The following BORCS8 variants were observed in gnomAD, a reference collection of about 807,000 sequenced individuals.
BORCS8 encodes BLOC-1 related complex subunit 8, also known as BLOC-1-related complex subunit 8.
In BORCS8, 13 loss-of-function variants were observed where a neutral mutation model predicts 18.7. The observed-to-expected ratio is 0.70, with a 90% CI of 0.45 to 1.11. BORCS8 has a LOEUF of 1.11. BORCS8 is among the 50% of genes least tolerant of loss of function. The pLI, the probability that BORCS8 is intolerant of heterozygous loss-of-function variation, is 0.00. For synonymous variants in BORCS8, 68 were observed against 64.8 expected, an observed-to-expected ratio of 1.05 and a Z score of -0.24; for missense variants, 165 against 165.7, an observed-to-expected ratio of 1.00 and a Z score of 0.02.
intron 1 of BORCS8, among the ~76,000 whole-genome samples, chr19:19,190,211 A>G (rs1397934943): frequency 1.3e-5 from 2 of 152,214 alleles, no homozygotes; most frequent in African/African-American, 4.8e-5. Flanking sequence ...ACATGTTCAC[A>G]GGAAAAGTTA....
Position 19,182,001 on chromosome 19 carries a change from C to A in BORCS8, c.326+572G>T. The stretch of plus-strand genomic sequence containing the variant: ...TGCTTTTCGTTTTCAGACCCCTGGT[C>A]CTGGGCTTAAAGCCTCCCTTGGCTC... On this transcript the variant is annotated intron_variant, in intron 4 of 5. Coordinates refer to ENST00000462790, the MANE Select transcript of BORCS8 (RefSeq NM_001145784.2). The surrounding 1 kb of genome is among the most constrained non-coding windows in gnomAD (Gnocchi z 4.1). 1.0e-6 allele frequency: 1 copy of A among 985,482 alleles called. No homozygotes were observed. The highest frequency in any genetic ancestry group is 1.2e-6 in the Non-Finnish European group (1 of 829,966). The allele number at this position is 985,482 out of a possible 1,614,324, so 61.0% of individuals were successfully genotyped here.
intron 5 of BORCS8, chr19:19,178,075 G>C (rs1353417693): frequency 2.0e-5 from 3 of 152,428 alleles, no homozygotes; most frequent in African/African-American, 7.2e-5. Flanking sequence ...ATATGTATTT[G>C]GGGGTGAGAC....
rs1381667287 is a variant in BORCS8, at chr19:19,192,151, C to T, written c.-34G>A. On this transcript the variant is annotated 5_prime_UTR_variant, in exon 1 of 6. In the 5' UTR this introduces an upstream ATG that the reference lacks. Transcript: ENST00000462790. ...CGGCCGAGCGAACCGGGAAACGGCA[C>T]CGGAAGCCCGGAGGTTGGGACGCCC... 1.3e-6 allele frequency: 2 copies of T among 1,550,646 alleles called. No homozygotes were observed. The highest frequency in any genetic ancestry group is 1.7e-6 in the Non-Finnish European group (2 of 1,146,868).
chr19:19,188,836 T>A (rs191222871), intron 1 of BORCS8, among the ~76,000 whole-genome samples: 1 of 151,860 alleles, frequency 6.6e-6, no homozygotes, highest in African/African-American at 2.4e-5. Context: ...TGATGAAATT[T>A]TTTTTTTCTT....
Position 19,182,749 on chromosome 19 carries a change from C to T in BORCS8, c.216-66G>A. 1 of 1,483,578 alleles carries T rather than the reference C, an allele frequency of 6.7e-7. No homozygotes were observed. The highest frequency in any genetic ancestry group is 9.0e-7 in the Non-Finnish European group (1 of 1,111,564). The allele number at this position is 1,483,578 out of a possible 1,614,324, so 91.9% of individuals were successfully genotyped here. On this transcript the variant is annotated intron_variant, in intron 3 of 5. Coordinates refer to ENST00000462790, the MANE Select transcript of BORCS8 (RefSeq NM_001145784.2). This position sits in a 1 kb window ranked among gnomAD's most constrained non-coding sequence, Gnocchi z 4.1. ...CAGGTAACTGTCCCACACCCCAGCA[C>T]TTGAGGTCACCACCAGGGCTCGGTG...
chr19:19,191,491 C>CA (rs34145724), intron 1 of BORCS8, among the ~76,000 whole-genome samples: 932 of 85,808 alleles, frequency 0.011, 5 homozygotes, highest in Middle Eastern at 0.028. Flanking sequence ...TACCTTGTCT[C>CA]AAAAAAAAAA....
chr19:19,177,680 GGAA>G (rs2060305608), intron 5 of BORCS8: 1 of 81,672 alleles, frequency 1.2e-5, no homozygotes, highest in African/African-American at 6.3e-5. Context: ...AAGGAAGGAA[GGAA>G]GGAAGGAAGG....
At chr19:19,187,674 G>T (rs1425057550) in intron 1 of BORCS8, among the ~76,000 whole-genome samples, 5 of 151,274 alleles carry the variant, frequency 3.3e-5, no homozygotes, top group Admixed American at 3.3e-4. Flanking sequence ...GAGTAGCTGG[G>T]ATTACAGGCA....
intron 5 of BORCS8, 102 bp downstream of exon 5, chr19:19,180,584 A>AC (rs2060338099): frequency 2.5e-6 from 2 of 813,108 alleles, no homozygotes; most frequent in African/African-American, 3.4e-5. Context: ...CCAGTGAGAA[A>AC]CCCCAAGTGG....
chr19:19,180,739 A>C lies in BORCS8; in HGVS notation c.349T>G (p.Ser117Ala), dbSNP rs2060340134. The C allele has an allele frequency of 6.5e-7, 1 of 1,549,798 alleles. No individual in the cohort carries two copies. Among genetic ancestry groups the C allele is most frequent in the Non-Finnish European group, 8.7e-7 (1 of 1,146,448 alleles). ...GHSPEEPPPP[S>A]SA The stretch of plus-strand genomic sequence containing the variant: ...AGTCTCTTCCAGGATCAGGCTGAGG[A>C]GGGCGGGGGTGGTTCCTCCGGGCTG... Residue 117 changes from serine (S) to alanine (A), a missense_variant, in exon 5 of 6, where the codon TCC (serine) becomes GCC (alanine). Physicochemically the swap from Ser to Ala is moderately conservative, Grantham distance 99 (BLOSUM62 1). Transcript: ENST00000462790.
At chr19:19,187,093 A>T (rs1401782687) in intron 1 of BORCS8, 88 bp from the exon 2 acceptor site, 7 of 1,013,310 alleles carry the variant, frequency 6.9e-6, no homozygotes, top group Non-Finnish European at 1.0e-5. Flanking sequence ...AGCCAGAGCA[A>T]AGGGGGCATC....
At chr19:19,180,614 C>T in intron 5 of BORCS8, 72 bp downstream of exon 5, 1 of 1,078,840 alleles carries the variant, frequency 9.3e-7, no homozygotes, top group Non-Finnish European at 1.4e-6. Flanking sequence ...CAGGTGCCTG[C>T]CTGGCTGCCA....
chr19:19,188,619 G>C (rs544218286), intron 1 of BORCS8, among the ~76,000 whole-genome samples: 4 of 152,282 alleles, frequency 2.6e-5, no homozygotes, highest in Admixed American at 6.5e-5. Context: ...ATCCCAGGAG[G>C]GCCTCAGCTG....
At chr19:19,184,537 C>A (rs2060387843) in intron 3 of BORCS8, among the ~76,000 whole-genome samples, 1 of 151,336 alleles carries the variant, frequency 6.6e-6, no homozygotes, top group Admixed American at 6.6e-5. Context: ...CTCCTGAGCT[C>A]ATGATCCGCC....
chr19:19,178,287 G>C (rs980274806), intron 5 of BORCS8: 1 of 152,412 alleles, frequency 6.6e-6, no homozygotes, highest in East Asian at 1.9e-4. Context: ...TGGAGGCTCC[G>C]GGCAGGTGCA....
rs1460267642 is a variant in BORCS8 at position 19,192,142 on chromosome 19, G to A, written c.-25C>T. 6.4e-7 allele frequency: 1 copy of A among 1,551,050 alleles called. No homozygotes were observed. Among genetic ancestry groups the A allele is most frequent in the Admixed American group, 2.0e-5 (1 of 50,998 alleles). ...TAGCGACCGCGGCCGAGCGAACCGG[G>A]AAACGGCACCGGAAGCCCGGAGGTT... On this transcript the variant is annotated 5_prime_UTR_variant, in exon 1 of 6. Coordinates refer to ENST00000462790, the MANE Select transcript of BORCS8 (RefSeq NM_001145784.2).
At chr19:19,177,696 G>GGAAGGAAAA (rs1376064847) in intron 5 of BORCS8, 2 of 74,672 alleles carry the variant, frequency 2.7e-5, no homozygotes, top group African/African-American at 1.0e-4. Context: ...AAGGAAGGAA[G>GGAAGGAAAA]AGAAAAGAAA....
At chr19:19,187,614 C>A (rs961483062) in intron 1 of BORCS8, among the ~76,000 whole-genome samples, 8 of 151,196 alleles carry the variant, frequency 5.3e-5, no homozygotes, top group Non-Finnish European at 1.0e-4. Context: ...TCTCGGCTCA[C>A]CACAACCTCC....
chr19:19,178,652 G>A (rs2060322488), intron 5 of BORCS8: 1 of 152,298 alleles, frequency 6.6e-6, no homozygotes. Context: ...CAGTTTTGGG[G>A]GAAAAGTGGG....
Sources: allele counts gnomAD v4.1 joint callset (sites outside exome capture counted in the v4.1 genomes callset), GRCh38; gene constraint gnomAD v4.1.1; non-coding constraint Gnocchi (gnomAD v3.1); transcripts MANE v1.5; gene names NCBI Gene and HGNC (gene_info 2026-07-23, HGNC 2026-07-21).